The following HAVCR2 variants were observed in gnomAD, a reference collection of about 807,000 sequenced individuals.
HAVCR2 encodes T cell immunoglobulin mucin 3.
HAVCR2 carries 13 observed loss-of-function variants against 24.7 expected under a neutral mutation model. The observed-to-expected ratio is 0.53, with a 90% CI of 0.34 to 0.84. HAVCR2 has a LOEUF of 0.84. Among genes scored for constraint, HAVCR2 ranks in the 40% least tolerant of loss-of-function variants. The pLI, the probability that HAVCR2 is intolerant of heterozygous loss-of-function variation, is 0.01. For missense variants in HAVCR2, 343 were observed against 371.2 expected, an observed-to-expected ratio of 0.92 and a Z score of 0.62; for synonymous variants, 154 against 143.4, an observed-to-expected ratio of 1.07 and a Z score of -0.53.
chr5:157,088,523 G>A (rs565465422), intron 6 of HAVCR2, among the ~76,000 whole-genome samples: 1 of 152,002 alleles, frequency 6.6e-6, no homozygotes, highest in South Asian at 2.1e-4. Flanking sequence ...ATTCTAATAG[G>A]AAACTAAAGT....
At chr5:157,090,162 C>T (rs1756977266) in intron 5 of HAVCR2, among the ~76,000 whole-genome samples, 1 of 102,126 alleles carries the variant, frequency 9.8e-6, no homozygotes, top group South Asian at 3.3e-4. Context: ...CAGGGTCTTG[C>T]TCTGTTGGCC....
At chr5:157,088,492 G>A (rs569472956) in intron 6 of HAVCR2, among the ~76,000 whole-genome samples, 1 of 152,278 alleles carries the variant, frequency 6.6e-6, no homozygotes, top group South Asian at 2.1e-4. Context: ...CCCTGCATTA[G>A]TACACTTCAG....
In HAVCR2 at chr5:157,106,385, C is replaced by T. The variant is rs574387138; in HGVS notation, c.394+242G>A. 5 of 495,116 alleles carry T rather than the reference C, an allele frequency of 1.0e-5. No individual in the cohort carries two copies. The East Asian group carries it at 1.8e-4, about 18-fold the overall frequency. 30.7% of individuals were successfully genotyped at this position (495,116 alleles called of 1,614,324 possible). Reference sequence around the variant, plus strand: ...GACCTCATGATCCACCGGCCTCAGCCTCCCAAAGTGCTGGGATTAGAGGTG... The same window carrying T: ...GACCTCATGATCCACCGGCCTCAGCTTCCCAAAGTGCTGGGATTAGAGGTG... On this transcript the variant is annotated intron_variant, in intron 2 of 6. Transcript: ENST00000307851.
chr5:157,099,809 C>T (rs1183427226), intron 3 of HAVCR2, among the ~76,000 whole-genome samples: 1 of 152,186 alleles, frequency 6.6e-6, no homozygotes, highest in Non-Finnish European at 1.5e-5. Context: ...GATTCTCCTG[C>T]CTCAGCCTCC....
In HAVCR2 at chr5:157,085,897, A is replaced by G. The variant is rs1756904995; in HGVS notation, c.*1205T>C. On this transcript the variant is annotated 3_prime_UTR_variant, in exon 7 of 7. Transcript: ENST00000307851. ...CAGAATTGTGCTAGGCGCAGGGGGC[A>G]ACAATAAGCAAGACAGATCAAGCCT... 1 of 152,236 alleles carries G rather than the reference A, an allele frequency of 6.6e-6. No individual in the cohort carries two copies. The highest frequency in any genetic ancestry group is 1.5e-5 in the Non-Finnish European group (1 of 68,040). 9.4% of individuals were successfully genotyped at this position (152,236 alleles called of 1,614,324 possible).
chr5:157,092,913 A>AAAAAAAAAAAAAAAAAAAAT lies in HAVCR2; in HGVS notation c.676+2392_676+2393insATTTTTTTTTTTTTTTTTTT, dbSNP rs1561619880. Among the ~76,000 whole-genome samples the AAAAAAAAAAAAAAAAAAAAT allele has an allele frequency of 3.1e-4, 38 of 123,028 alleles. 5 individuals are homozygous for AAAAAAAAAAAAAAAAAAAAT. Among genetic ancestry groups the AAAAAAAAAAAAAAAAAAAAT allele is most frequent in the African/African-American group, 1.2e-3 (38 of 32,284 alleles). The allele number at this position is 123,028 out of a possible 152,430, so 80.7% of individuals were successfully genotyped here. A position where few individuals can be genotyped will look rare whatever the true frequency, so the allele number is the denominator to read the frequency against. Reference sequence around the variant, plus strand: ...AAAAAAAAAAAAAAAAAAAAAAAAAAAAAAACTAGCCAGGTGTGGTGGCAT... The same window carrying AAAAAAAAAAAAAAAAAAAAT: ...AAAAAAAAAAAAAAAAAAAAAAAAAAAAAAAAAAAAAAAAAAAAATAAAAACTAGCCAGGTGTGGTGGCAT... On this transcript the variant is annotated intron_variant, in intron 5 of 6. Coordinates refer to ENST00000307851, the MANE Select transcript of HAVCR2 (RefSeq NM_032782.5).
chr5:157,087,579 T>C (rs1756931345), intron 6 of HAVCR2, among the ~76,000 whole-genome samples: 1 of 152,136 alleles, frequency 6.6e-6, no homozygotes, highest in Non-Finnish European at 1.5e-5. Context: ...AGGTGAAGTA[T>C]CAAGATGTCT....
chr5:157,086,497 A>T lies in HAVCR2; in HGVS notation c.*605T>A, dbSNP rs1756914398. 6.6e-6 allele frequency: 1 copy of T among 152,254 alleles called. No homozygotes were observed. The highest frequency in any genetic ancestry group is 2.1e-4 in the South Asian group (1 of 4,826). 9.4% of individuals were successfully genotyped at this position (152,254 alleles called of 1,614,324 possible). On this transcript the variant is annotated 3_prime_UTR_variant, in exon 7 of 7. Transcript: ENST00000307851. ...CCCTGTCTCTACTAAAAATACAACA[A>T]ATTAGCTGGGCATGGTGGTGCATGC...
In HAVCR2 at chr5:157,095,597, C is replaced by T. The variant is rs1301036442; in HGVS notation, c.523-138G>A. On this transcript the variant is annotated intron_variant, in intron 4 of 6. Coordinates refer to ENST00000307851, the MANE Select transcript of HAVCR2 (RefSeq NM_032782.5). ...GTCCTTCAAATCACCTTTGATCTGT[C>T]ACCTTGTAGCCAACACTCAAGCCAA... The T allele has an allele frequency of 6.7e-6, 6 of 899,980 alleles. No homozygotes were observed. The Admixed American group carries it at 1.5e-4, about 22-fold the overall frequency. 55.7% of individuals were successfully genotyped at this position (899,980 alleles called of 1,614,324 possible). A position where few individuals can be genotyped will look rare whatever the true frequency, so the allele number is the denominator to read the frequency against.
In HAVCR2 at chr5:157,087,001, G is replaced by A. The variant is rs1301619526; in HGVS notation, c.*101C>T. The A allele has an allele frequency of 1.0e-6, 1 of 971,744 alleles. No homozygotes were observed. Among genetic ancestry groups the A allele is most frequent in the African/African-American group, 1.7e-5 (1 of 60,440 alleles). The allele number at this position is 971,744 out of a possible 1,614,324, so 60.2% of individuals were successfully genotyped here. ...TATCTTCTGAAAATGGGAAAACTCT[G>A]CTCCATAGCAGTGGACAGAACCTCC... On this transcript the variant is annotated 3_prime_UTR_variant, in exon 7 of 7. Transcript: ENST00000307851.
intron 5 of HAVCR2, 129 bp downstream of exon 5, chr5:157,095,177 G>T: frequency 1.1e-6 from 1 of 940,090 alleles, no homozygotes; most frequent in Non-Finnish European, 1.6e-6. Context: ...GTTAGGATTT[G>T]GATGGACAAA....
chr5:157,095,707 T>TAA (rs35269370), intron 4 of HAVCR2, among the ~76,000 whole-genome samples: 3,221 of 129,916 alleles, frequency 0.025, 127 homozygotes, highest in African/African-American at 0.078. Context: ...AAGGAGCTCT[T>TAA]AAAAAAAAAA....
intron 5 of HAVCR2, among the ~76,000 whole-genome samples, chr5:157,094,797 C>T (rs924818915): frequency 6.6e-6 from 1 of 152,116 alleles, no homozygotes; most frequent in African/African-American, 2.4e-5. Context: ...ACCCCAGTCA[C>T]GACCCAGTGT....
intron 3 of HAVCR2, 60 bp from the exon 4 acceptor site, chr5:157,098,961 G>C: frequency 6.7e-7 from 1 of 1,496,362 alleles, no homozygotes; most frequent in Non-Finnish European, 9.1e-7. Context: ...AGTTAAGAAC[G>C]TTTTCTTTTA....
intron 3 of HAVCR2, among the ~76,000 whole-genome samples, chr5:157,099,943 G>T (rs533779693): frequency 1.3e-5 from 2 of 152,062 alleles, no homozygotes; most frequent in East Asian, 3.9e-4. Flanking sequence ...TGATCCACCC[G>T]CCTCGGCCTC....
At chr5:157,106,604 A>T (rs771260183) in intron 2 of HAVCR2, 23 bp downstream of exon 2, 2 of 1,557,118 alleles carry the variant, frequency 1.3e-6, no homozygotes, top group Non-Finnish European at 1.8e-6. Context: ...ATTCATAAAG[A>T]TGGCATGCAA....
chr5:157,093,377 G>A (rs1035091229), intron 5 of HAVCR2, among the ~76,000 whole-genome samples: 9 of 152,074 alleles, frequency 5.9e-5, no homozygotes, highest in African/African-American at 2.2e-4. Flanking sequence ...GGGTAGTTAC[G>A]AGAATTTAAT....
intron 1 of HAVCR2, 170 bp from the exon 2 acceptor site, chr5:157,107,132 C>T: frequency 3.4e-6 from 2 of 596,606 alleles, no homozygotes; most frequent in Non-Finnish European, 5.8e-6. Flanking sequence ...CCATCAGAAT[C>T]ACTGGGAAGC....
chr5:157,106,625 A>G lies in HAVCR2; in HGVS notation c.394+2T>C. ...AAAGATGGCATGCAAATGTCCACTC[A>G]CCTGGTTTGATGACCAACTTCAGGT... On this transcript the variant is annotated splice_donor_variant, in intron 2 of 6. Transcript: ENST00000307851. LOFTEE classifies it high-confidence loss of function. 1 of 1,611,796 alleles carries G rather than the reference A, an allele frequency of 6.2e-7. No homozygotes were observed. The highest frequency in any genetic ancestry group is 8.5e-7 in the Non-Finnish European group (1 of 1,177,850).
Sources: gnomAD v4.1 joint callset for allele counts (sites outside exome capture counted in the v4.1 genomes callset) on GRCh38, gnomAD v4.1.1 for gene constraint, MANE v1.5 for transcripts, NCBI Gene and HGNC (gene_info 2026-07-23, HGNC 2026-07-21) for gene names.